SOCS5: variants seen among roughly 807,000 people sequenced by gnomAD.
SOCS5 encodes the protein suppressor of cytokine signaling 5.
In SOCS5, 32 loss-of-function variants were observed where a neutral mutation model predicts 42.8. The observed-to-expected ratio is 0.75, with a 90% CI of 0.56 to 1.01. The LOEUF is 1.01. Ranked by LOEUF, SOCS5 falls within the 50% of genes least tolerant of loss-of-function variation. The probability of loss-of-function intolerance (pLI) is 0.00; values close to 1 mark genes in which losing one functional copy is unlikely to be tolerated. For missense variants in SOCS5, 627 were observed against 653.0 expected, an observed-to-expected ratio of 0.96 and a Z score of 0.43; for synonymous variants, 283 against 229.6, an observed-to-expected ratio of 1.23 and a Z score of -2.10.
chr2:46,712,898 C>T (rs1672660417), intron 1 of SOCS5, among the ~76,000 whole-genome samples: 2 of 152,094 alleles, frequency 1.3e-5, no homozygotes, highest in East Asian at 1.9e-4. Flanking sequence ...CAGAGTTATG[C>T]TGACTTTTTT....
At chr2:46,729,674 GGTGA>G (rs1195480204) in intron 1 of SOCS5, among the ~76,000 whole-genome samples, 6 of 152,144 alleles carry the variant, frequency 3.9e-5, no homozygotes, top group Admixed American at 6.5e-5. Flanking sequence ...AGTTGCCGTG[GGTGA>G]GTGAGTGAGT....
At position 46,760,223 on chromosome 2, in the gene SOCS5, G is replaced by C; in HGVS notation, c.*82G>C. On this transcript the variant is annotated 3_prime_UTR_variant, in exon 2 of 2. Coordinates refer to ENST00000394861, the MANE Select transcript of SOCS5 (RefSeq NM_144949.3). ...ACACCTATAGCAAGCACACGTAGCA[G>C]TGTTAGGCTTTTTCATACAGTATGT... 1.0e-6 allele frequency: 1 copy of C among 1,002,402 alleles called. No homozygotes were observed. The highest frequency in any genetic ancestry group is 1.5e-6 in the Non-Finnish European group (1 of 665,822). The allele number at this position is 1,002,402 out of a possible 1,614,324, so 62.1% of individuals were successfully genotyped here. A position where few individuals can be genotyped will look rare whatever the true frequency, so the allele number is the denominator to read the frequency against.
At chr2:46,724,325 G>A (rs960250762) in intron 1 of SOCS5, among the ~76,000 whole-genome samples, 3 of 151,342 alleles carry the variant, frequency 2.0e-5, no homozygotes, top group African/African-American at 7.3e-5. Flanking sequence ...TCCAATTATA[G>A]AGGGGAAAGC....
intron 1 of SOCS5, among the ~76,000 whole-genome samples, chr2:46,708,678 G>A (rs1672547726): frequency 6.6e-6 from 1 of 152,140 alleles, no homozygotes; most frequent in Non-Finnish European, 1.5e-5. Context: ...CAGAAAGCCA[G>A]AAATATTTGA....
intron 1 of SOCS5, among the ~76,000 whole-genome samples, chr2:46,708,163 A>G (rs926965146): frequency 6.6e-6 from 1 of 152,198 alleles, no homozygotes; most frequent in Non-Finnish European, 1.5e-5. Flanking sequence ...AGTTCAAGAA[A>G]GAGACTAATT....
chr2:46,714,059 G>T (rs1289659454), intron 1 of SOCS5, among the ~76,000 whole-genome samples: 1 of 151,894 alleles, frequency 6.6e-6, no homozygotes, highest in East Asian at 1.9e-4. Context: ...ATTGTTTTAT[G>T]GCCCAACATA....
At chr2:46,742,767 G>A (rs1416846277) in intron 1 of SOCS5, among the ~76,000 whole-genome samples, 1 of 151,968 alleles carries the variant, frequency 6.6e-6, no homozygotes, top group Non-Finnish European at 1.5e-5. Context: ...CCAGGTTTAA[G>A]CGATCCTTCT....
chr2:46,739,194 G>A (rs967156928), intron 1 of SOCS5, among the ~76,000 whole-genome samples: 1 of 152,026 alleles, frequency 6.6e-6, no homozygotes, highest in African/African-American at 2.4e-5. Context: ...ATAACCATAT[G>A]GAGTCAAAGA....
chr2:46,707,752 C>G (rs184543762), intron 1 of SOCS5, among the ~76,000 whole-genome samples: 12 of 152,304 alleles, frequency 7.9e-5, no homozygotes, highest in Admixed American at 4.6e-4. Flanking sequence ...CAAATAATTA[C>G]TGAGCAAATA....
intron 1 of SOCS5, among the ~76,000 whole-genome samples, chr2:46,726,806 G>A (rs1409562672): frequency 1.3e-5 from 2 of 150,896 alleles, no homozygotes; most frequent in Non-Finnish European, 3.0e-5. Context: ...GCCCAGGCTG[G>A]AGTGCAATGG....
At chr2:46,729,422 C>A (rs1472229523) in intron 1 of SOCS5, among the ~76,000 whole-genome samples, 1 of 152,212 alleles carries the variant, frequency 6.6e-6, no homozygotes, top group Non-Finnish European at 1.5e-5. Context: ...AAGACTCACA[C>A]AAACCTAGAT....
chr2:46,743,882 A>G (rs1673432983), intron 1 of SOCS5, among the ~76,000 whole-genome samples: 2 of 152,298 alleles, frequency 1.3e-5, no homozygotes, highest in South Asian at 4.1e-4. Context: ...CTCATTTTCT[A>G]CATAAAGGAA....
intron 1 of SOCS5, among the ~76,000 whole-genome samples, chr2:46,701,758 A>G (rs1260442063): frequency 1.9e-5 from 2 of 103,864 alleles, no homozygotes; most frequent in East Asian, 5.0e-4. Context: ...ACAAACTGTC[A>G]TTTAGGTGAA....
intron 1 of SOCS5, among the ~76,000 whole-genome samples, chr2:46,729,160 A>G (rs1351958833): frequency 2.0e-5 from 3 of 152,238 alleles, no homozygotes; most frequent in African/African-American, 7.2e-5. Context: ...ATAAGAAACT[A>G]GTTTTTCACC....
chr2:46,713,225 G>A lies in SOCS5; in HGVS notation c.-13+13776G>A, dbSNP rs187532879. Among the ~76,000 whole-genome samples, 14 of 152,196 alleles carry A rather than the reference G, an allele frequency of 9.2e-5. No individual in the cohort carries two copies. In the East Asian group the frequency reaches 9.7e-4, roughly 11 times the overall value. ...TTAAAAACTAGCCAGGCCTGGTGGCGCACACCTGTAGTTTCAGCTACTCAG... is the reference window on the plus strand; with the variant it reads ...TTAAAAACTAGCCAGGCCTGGTGGCACACACCTGTAGTTTCAGCTACTCAG... On this transcript the variant is annotated intron_variant, in intron 1 of 1. Transcript: ENST00000394861.
At chr2:46,705,666 T>C (rs75303590) in intron 1 of SOCS5, among the ~76,000 whole-genome samples, 1 of 152,370 alleles carries the variant, frequency 6.6e-6, no homozygotes, top group Non-Finnish European at 1.5e-5. Context: ...GGTGCTCATT[T>C]ATCTAATTAT....
chr2:46,752,295 C>G lies in SOCS5; in HGVS notation c.-12-6224C>G, dbSNP rs566111517. Among the ~76,000 whole-genome samples, 13 of 151,846 alleles carry G rather than the reference C, an allele frequency of 8.6e-5. No individual in the cohort carries two copies. In the East Asian group the frequency reaches 2.3e-3, roughly 27 times the overall value. On this transcript the variant is annotated intron_variant, in intron 1 of 1. Coordinates refer to ENST00000394861, the MANE Select transcript of SOCS5 (RefSeq NM_144949.3). ...GCACAGGGGATCTAGGTTGCGTGTT[C>G]CTTATGAGACTCTTAACTAATGCCT...
intron 1 of SOCS5, among the ~76,000 whole-genome samples, chr2:46,728,507 A>G (rs1558405333): frequency 6.6e-6 from 1 of 152,190 alleles, no homozygotes; most frequent in East Asian, 1.9e-4. Flanking sequence ...AGGAAATTTA[A>G]GGGTAAAACT....
chr2:46,712,731 A>T (rs1408457885), intron 1 of SOCS5, among the ~76,000 whole-genome samples: 1 of 152,172 alleles, frequency 6.6e-6, no homozygotes, highest in Non-Finnish European at 1.5e-5. Flanking sequence ...AATTACATTG[A>T]TTGGTATTTG....
Sources: gnomAD v4.1 joint callset for allele counts (sites outside exome capture counted in the v4.1 genomes callset) on GRCh38, gnomAD v4.1.1 for gene constraint, MANE v1.5 for transcripts, NCBI Gene and HGNC (gene_info 2026-07-23, HGNC 2026-07-21) for gene names.